Variants in ADAMTS19 observed in about 807,000 individuals in gnomAD.
The protein encoded by ADAMTS19 is ADAM metallopeptidase with thrombospondin type 1 motif 19, also known as A disintegrin and metalloproteinase with thrombospondin motifs 19.
A neutral mutation model predicts 153.3 loss-of-function variants in ADAMTS19; 93 were observed. The ratio of observed to expected loss-of-function variants is 0.61; its 90% CI spans 0.51 to 0.72. The LOEUF is 0.72. ADAMTS19 is among the 30% of genes least tolerant of loss of function. The pLI is 0.00. For synonymous variants in ADAMTS19, 600 were observed against 556.6 expected (o/e 1.08, Z -1.10); for missense variants, 1,482 against 1,552.1 (o/e 0.95, Z 0.76).
chr5:129,502,352 T>C (rs1479908782), intron 2 of ADAMTS19, among the ~76,000 whole-genome samples: 1 of 152,102 alleles, frequency 6.6e-6, no homozygotes, highest in Non-Finnish European at 1.5e-5. Flanking sequence ...CAAGCAAAGA[T>C]AGCGTGATGT....
At chr5:129,536,639 A>G (rs1393517999) in intron 6 of ADAMTS19, among the ~76,000 whole-genome samples, 1 of 152,226 alleles carries the variant, frequency 6.6e-6, no homozygotes, top group East Asian at 1.9e-4. Context: ...ACTATTCACA[A>G]TAGCAAAGAC....
chr5:129,550,024 A>G (rs1270449927), intron 6 of ADAMTS19, among the ~76,000 whole-genome samples: 1 of 127,436 alleles, frequency 7.8e-6, no homozygotes, highest in African/African-American at 2.9e-5. Context: ...ATGTATATGT[A>G]TATCTAGATA....
Position 129,527,845 on chromosome 5 carries a change from G to A in ADAMTS19, c.1170+14G>A. On this transcript the variant is annotated intron_variant, in intron 5 of 22. Coordinates refer to ENST00000274487, the MANE Select transcript of ADAMTS19 (RefSeq NM_133638.6). ...CATGAAACTCCAGTAAGAAAGTCTT[G>A]AGTTTTTTATTAAATTAAATGGGGG... is the stretch of plus-strand genomic sequence containing the variant. 4 of 1,533,622 alleles carry A rather than the reference G, an allele frequency of 2.6e-6. No homozygotes were observed. Among genetic ancestry groups the A allele is most frequent in the Non-Finnish European group, 3.6e-6 (4 of 1,117,348 alleles).
At chr5:129,593,485 G>T (rs1309495282) in intron 7 of ADAMTS19, among the ~76,000 whole-genome samples, 1 of 152,066 alleles carries the variant, frequency 6.6e-6, no homozygotes, top group Non-Finnish European at 1.5e-5. Flanking sequence ...CCCTGATAAA[G>T]TTCCTTTTTT....
rs1283900261 is a variant in ADAMTS19, at chr5:129,732,715, TATC to T, written c.3313-2214_3313-2212del. Among the ~76,000 whole-genome samples, 3 of 152,140 alleles carry T rather than the reference TATC, an allele frequency of 2.0e-5. No homozygotes were observed. In the East Asian group the frequency reaches 5.8e-4, roughly 29 times the overall value. ...CATGCTCATATATTATAAGAATCAA[TATC>T]ATTAAAATGACCATACTACCCAAAG... is the stretch of plus-strand genomic sequence containing the variant. On this transcript the variant is annotated intron_variant, in intron 21 of 22. Coordinates refer to ENST00000274487, the MANE Select transcript of ADAMTS19 (RefSeq NM_133638.6).
chr5:129,682,341 T>C (rs1177900142), intron 17 of ADAMTS19, among the ~76,000 whole-genome samples: 1 of 152,242 alleles, frequency 6.6e-6, no homozygotes, highest in Non-Finnish European at 1.5e-5. Context: ...TGCTTCAGCA[T>C]GTGCCCCTCA....
Position 129,711,327 on chromosome 5 carries a change from G to C in ADAMTS19, c.3312+6936G>C, listed in dbSNP as rs185324868. Among the ~76,000 whole-genome samples, 145 of 152,186 alleles carry C rather than the reference G, an allele frequency of 9.5e-4. 1 individual carries two copies. Among genetic ancestry groups the C allele is most frequent in the African/African-American group, 3.2e-3 (133 of 41,514 alleles). On this transcript the variant is annotated intron_variant, in intron 21 of 22. Coordinates refer to ENST00000274487, the MANE Select transcript of ADAMTS19 (RefSeq NM_133638.6). The stretch of plus-strand genomic sequence containing the variant: ...TCAAGTAGACACATTAGTAAAATTG[G>C]TATATGCCAGAGGCCTGAATGTCAT...
chr5:129,692,036 A>G (rs1338360105), intron 18 of ADAMTS19, among the ~76,000 whole-genome samples: 3 of 152,170 alleles, frequency 2.0e-5, no homozygotes, highest in Non-Finnish European at 4.4e-5. Context: ...ATTTAAATGA[A>G]TTTAGGCAAC....
chr5:129,526,241 G>T (rs747987906), intron 3 of ADAMTS19, 43 bp from the exon 4 acceptor site: 6 of 1,480,088 alleles, frequency 4.1e-6, no homozygotes, highest in Non-Finnish European at 5.4e-6. Flanking sequence ...TATTCACTTT[G>T]CCAATATGAA....
intron 10 of ADAMTS19, among the ~76,000 whole-genome samples, chr5:129,635,747 C>G (rs1043802031): frequency 1.3e-5 from 2 of 151,998 alleles, no homozygotes; most frequent in Non-Finnish European, 2.9e-5. Flanking sequence ...AAGGTGGAGG[C>G]TGGGAGGAGG....
At chr5:129,677,472 G>A (rs529229562) in intron 16 of ADAMTS19, among the ~76,000 whole-genome samples, 63 of 139,124 alleles carry the variant, frequency 4.5e-4, no homozygotes, top group Admixed American at 3.3e-3. Flanking sequence ...GTGAGACTCC[G>A]TCTCAAAAAA....
At chr5:129,639,838 G>C (rs986078973) in intron 10 of ADAMTS19, among the ~76,000 whole-genome samples, 2 of 152,106 alleles carry the variant, frequency 1.3e-5, no homozygotes, top group African/African-American at 2.4e-5. Flanking sequence ...TTGACAGAAA[G>C]TTCCTAGATG....
At chr5:129,619,892 ATTCT>A (rs891668454) in intron 8 of ADAMTS19, among the ~76,000 whole-genome samples, 5 of 152,054 alleles carry the variant, frequency 3.3e-5, no homozygotes, top group African/African-American at 1.2e-4. Flanking sequence ...TGACTTGAAG[ATTCT>A]TTATTTGGTG....
At chr5:129,610,708 G>T (rs1390291121) in intron 8 of ADAMTS19, among the ~76,000 whole-genome samples, 1 of 152,098 alleles carries the variant, frequency 6.6e-6, no homozygotes, top group African/African-American at 2.4e-5. Flanking sequence ...ATTTGGGTTG[G>T]TTCCAAGTCT....
chr5:129,505,842 C>T (rs767615058), intron 2 of ADAMTS19, among the ~76,000 whole-genome samples: 6 of 152,034 alleles, frequency 3.9e-5, no homozygotes, highest in Non-Finnish European at 5.9e-5. Flanking sequence ...CAGATATTTA[C>T]ATGAAATGAC....
intron 6 of ADAMTS19, among the ~76,000 whole-genome samples, chr5:129,543,002 TTAAC>T (rs1275958646): frequency 1.1e-4 from 16 of 151,750 alleles, no homozygotes; most frequent in Admixed American, 1.1e-3. Context: ...CAAGAATGGA[TTAAC>T]TAGTTTTTGT....
intron 2 of ADAMTS19, among the ~76,000 whole-genome samples, chr5:129,477,735 C>G (rs529346324): frequency 2.0e-5 from 3 of 152,150 alleles, no homozygotes; most frequent in African/African-American, 7.2e-5. Context: ...TGCACAGTGT[C>G]CAATTTTTGG....
chr5:129,564,746 G>A (rs930205896), intron 7 of ADAMTS19, among the ~76,000 whole-genome samples: 7 of 152,132 alleles, frequency 4.6e-5, no homozygotes, highest in Non-Finnish European at 1.0e-4. Flanking sequence ...AAAGGAAAGG[G>A]GTCGGGAAAA....
chr5:129,594,539 A>T (rs987667372), intron 7 of ADAMTS19, among the ~76,000 whole-genome samples: 2 of 152,092 alleles, frequency 1.3e-5, no homozygotes, highest in Non-Finnish European at 2.9e-5. Context: ...GTAACTTTTA[A>T]TACCCTATTT....
Sources: allele counts gnomAD v4.1 joint callset (sites outside exome capture counted in the v4.1 genomes callset), GRCh38; gene constraint gnomAD v4.1.1; transcripts MANE v1.5; gene names NCBI Gene and HGNC (gene_info 2026-07-23, HGNC 2026-07-21).